The following TTLL11 variants were observed in gnomAD, a reference collection of about 807,000 sequenced individuals.
TTLL11 encodes tubulin tyrosine ligase like 11, also known as tubulin polyglutamylase TTLL11.
Under a neutral mutation model 51.7 loss-of-function variants are expected in TTLL11, and 42 were observed. The observed-to-expected ratio is 0.81, with a 90% CI of 0.64 to 1.05. TTLL11 has a LOEUF of 1.05. Among genes scored for constraint, TTLL11 ranks in the 50% least tolerant of loss-of-function variants. The probability of loss-of-function intolerance (pLI) is 0.00; values close to 1 mark genes in which losing one functional copy is unlikely to be tolerated. For synonymous variants in TTLL11, 381 were observed against 383.5 expected (o/e 0.99, Z 0.08); for missense variants, 799 against 940.4 (o/e 0.85, Z 1.97).
chr9:122,077,588 T>G (rs1191550428), intron 1 of TTLL11, among the ~76,000 whole-genome samples: 1 of 152,026 alleles, frequency 6.6e-6, no homozygotes, highest in Admixed American at 6.6e-5. Context: ...TAACTCTTAA[T>G]AGATCAGACA....
At chr9:122,088,425 C>G (rs1846182315) in intron 1 of TTLL11, among the ~76,000 whole-genome samples, 1 of 152,174 alleles carries the variant, frequency 6.6e-6, no homozygotes, top group Non-Finnish European at 1.5e-5. Flanking sequence ...CAGTGTTTAC[C>G]AATAGAGAGC....
chr9:121,858,548 G>A (rs1837898708), intron 8 of TTLL11, among the ~76,000 whole-genome samples: 1 of 152,226 alleles, frequency 6.6e-6, no homozygotes, highest in African/African-American at 2.4e-5. Context: ...AGCAAATGAT[G>A]TCTGAGCGCC....
chr9:122,092,392 A>T (rs927739712), intron 1 of TTLL11, among the ~76,000 whole-genome samples: 1 of 152,134 alleles, frequency 6.6e-6, no homozygotes, highest in Non-Finnish European at 1.5e-5. Flanking sequence ...AGACGTACAC[A>T]TATCTACAAG....
intron 6 of TTLL11, among the ~76,000 whole-genome samples, chr9:121,968,454 T>C (rs959777990): frequency 4.6e-5 from 7 of 152,232 alleles, no homozygotes; most frequent in African/African-American, 1.4e-4. Context: ...ATTTTTAGGA[T>C]ACATCATTGA....
chr9:121,950,160 C>T (rs938798232), intron 6 of TTLL11, among the ~76,000 whole-genome samples: 1 of 152,110 alleles, frequency 6.6e-6, no homozygotes, highest in African/African-American at 2.4e-5. Flanking sequence ...ATTCCAATGA[C>T]TCTTCACCCA....
At chr9:121,935,517 T>G (rs1841172117) in intron 6 of TTLL11, among the ~76,000 whole-genome samples, 1 of 152,202 alleles carries the variant, frequency 6.6e-6, no homozygotes, top group Non-Finnish European at 1.5e-5. Context: ...TTTATCTTTC[T>G]CCTGTGGGGA....
At chr9:122,034,321 G>A (rs1157645575) in intron 2 of TTLL11, among the ~76,000 whole-genome samples, 1 of 152,108 alleles carries the variant, frequency 6.6e-6, no homozygotes, top group Non-Finnish European at 1.5e-5. Flanking sequence ...ATTTAATATC[G>A]GCAATGGCTC....
chr9:121,974,216 T>C, intron 5 of TTLL11, 92 bp from the exon 6 acceptor site: 1 of 835,796 alleles, frequency 1.2e-6, no homozygotes, highest in South Asian at 2.1e-5. Context: ...ACTAGTAAAT[T>C]TTGCTTATGC....
chr9:121,939,928 C>A (rs1188280374), intron 6 of TTLL11, among the ~76,000 whole-genome samples: 1 of 152,076 alleles, frequency 6.6e-6, no homozygotes, highest in African/African-American at 2.4e-5. Flanking sequence ...CAGAGGGGAG[C>A]AGGGAAAGAG....
chr9:121,926,346 G>A (rs1840733928), intron 6 of TTLL11, among the ~76,000 whole-genome samples: 1 of 152,208 alleles, frequency 6.6e-6, no homozygotes, highest in Non-Finnish European at 1.5e-5. Flanking sequence ...CTCCAGGTCC[G>A]CGGGTCCCTG....
chr9:121,963,021 G>A (rs983903077), intron 6 of TTLL11, among the ~76,000 whole-genome samples: 1 of 152,204 alleles, frequency 6.6e-6, no homozygotes, highest in Non-Finnish European at 1.5e-5. Flanking sequence ...TGCAGGGCGA[G>A]AGCTAGACAG....
chr9:121,845,876 G>C (rs192489288), intron 8 of TTLL11, among the ~76,000 whole-genome samples: 52 of 152,260 alleles, frequency 3.4e-4, no homozygotes, highest in African/African-American at 1.2e-3. Flanking sequence ...GAACAAGTCA[G>C]TGAATAGCAA....
chr9:121,895,517 A>G (rs1014594508), intron 6 of TTLL11, among the ~76,000 whole-genome samples: 1 of 146,856 alleles, frequency 6.8e-6, no homozygotes, highest in Non-Finnish European at 1.5e-5. Context: ...TTGTGTTTGT[A>G]TGACTGTGAC....
intron 1 of TTLL11, among the ~76,000 whole-genome samples, chr9:122,073,096 C>CTTGCACT (rs1286376147): frequency 6.6e-6 from 1 of 152,128 alleles, no homozygotes; most frequent in East Asian, 1.9e-4. Flanking sequence ...AGATGTGGCC[C>CTTGCACT]TTGCACTTAT....
intron 6 of TTLL11, among the ~76,000 whole-genome samples, chr9:121,972,386 C>T (rs1842601169): frequency 6.6e-6 from 1 of 152,244 alleles, no homozygotes; most frequent in African/African-American, 2.4e-5. Context: ...AAGGCAGCTG[C>T]AGACACATAC....
chr9:121,978,572 C>G (rs1326375889), intron 4 of TTLL11, among the ~76,000 whole-genome samples: 1 of 152,022 alleles, frequency 6.6e-6, no homozygotes, highest in Non-Finnish European at 1.5e-5. Flanking sequence ...TCTAACGGAG[C>G]AGGAATTGTA....
At chr9:122,059,118 A>G (rs1327757791) in intron 1 of TTLL11, among the ~76,000 whole-genome samples, 1 of 152,196 alleles carries the variant, frequency 6.6e-6, no homozygotes, top group East Asian at 1.9e-4. Flanking sequence ...TTAGCTTTGG[A>G]AAAGCCTGTA....
At chr9:122,002,403 G>T (rs1843495403) in intron 3 of TTLL11, among the ~76,000 whole-genome samples, 1 of 152,172 alleles carries the variant, frequency 6.6e-6, no homozygotes, top group South Asian at 2.1e-4. Flanking sequence ...ACCCTTTAAT[G>T]CTCTGGACAA....
At chr9:122,071,175 C>A (rs568095664) in intron 1 of TTLL11, among the ~76,000 whole-genome samples, 4 of 152,134 alleles carry the variant, frequency 2.6e-5, no homozygotes, top group Admixed American at 6.5e-5. Flanking sequence ...TAGGAGAGGG[C>A]GTGCATGTGA....
Sources: gnomAD v4.1 joint callset for allele counts (sites outside exome capture counted in the v4.1 genomes callset) on GRCh38, gnomAD v4.1.1 for gene constraint, MANE v1.5 for transcripts, NCBI Gene and HGNC (gene_info 2026-07-23, HGNC 2026-07-21) for gene names.